RGS6: variants seen among roughly 807,000 people sequenced by gnomAD.
RGS6 encodes regulator of G protein signaling 6, also known as regulator of G-protein signaling 6.
In RGS6, 30 loss-of-function variants were observed where a neutral mutation model predicts 78.5. That is an observed-to-expected ratio of 0.38 (90% CI 0.29 to 0.52). The LOEUF is 0.52. RGS6 is among the 20% of genes least tolerant of loss of function. The probability of loss-of-function intolerance (pLI) is 0.85; values close to 1 mark genes in which losing one functional copy is unlikely to be tolerated. For missense variants in RGS6, 495 were observed against 609.7 expected (o/e 0.81, Z 1.98); for synonymous variants, 206 against 206.0 (o/e 1.00, Z 0.00).
intron 4 of RGS6, among the ~76,000 whole-genome samples, chr14:72,456,280 C>T (rs552807802): frequency 2.0e-5 from 3 of 152,102 alleles, no homozygotes; most frequent in African/African-American, 7.2e-5. Context: ...TCCCATCAGT[C>T]GATTTCCTGT....
intron 2 of RGS6, among the ~76,000 whole-genome samples, chr14:72,032,807 ATAT>A (rs1311872337): frequency 1.3e-5 from 2 of 152,172 alleles, no homozygotes; most frequent in African/African-American, 4.8e-5. Flanking sequence ...AGGCTGAATA[ATAT>A]TTTATTGCAT....
chr14:72,278,515 C>A (rs2061055802), intron 2 of RGS6, among the ~76,000 whole-genome samples: 2 of 152,150 alleles, frequency 1.3e-5, no homozygotes, highest in African/African-American at 4.8e-5. Context: ...ACAGCACATG[C>A]CAACAATATG....
chr14:72,529,648 A>ACCCCCCCCCCCCCCCCCCCC (rs200938878), intron 15 of RGS6, among the ~76,000 whole-genome samples: 1 of 150,498 alleles, frequency 6.6e-6, no homozygotes, highest in African/African-American at 2.5e-5. Flanking sequence ...GCAAGACCAG[A>ACCCCCCCCCCCCCCCCCCCC]CCCCCCCCTC....
intron 3 of RGS6, among the ~76,000 whole-genome samples, chr14:72,411,812 C>G (rs950240199): frequency 6.6e-6 from 1 of 152,148 alleles, no homozygotes; most frequent in Non-Finnish European, 1.5e-5. Flanking sequence ...TTTTCTGCAT[C>G]TATTGAGATT....
the RGS6 span, among the ~76,000 whole-genome samples, chr14:71,915,260 A>C: frequency 1.3e-5 from 2 of 152,118 alleles, no homozygotes; most frequent in South Asian, 4.2e-4. Flanking sequence ...CCTTGTCAAA[A>C]AAAAAAAAGA....
chr14:72,121,852 G>T (rs2096060920), intron 2 of RGS6, among the ~76,000 whole-genome samples: 1 of 152,066 alleles, frequency 6.6e-6, no homozygotes, highest in African/African-American at 2.4e-5. Flanking sequence ...CTGCAACGGT[G>T]CCTTATTCTA....
chr14:72,601,419 GC>G, the RGS6 span, among the ~76,000 whole-genome samples: 9,904 of 152,056 alleles, frequency 0.065, 405 homozygotes, highest in Middle Eastern at 0.14. Context: ...AGCAGAAACT[GC>G]TGCCTCTCCC....
At chr14:72,048,797 A>T (rs1445529986) in intron 2 of RGS6, among the ~76,000 whole-genome samples, 1 of 152,134 alleles carries the variant, frequency 6.6e-6, no homozygotes, top group Non-Finnish European at 1.5e-5. Flanking sequence ...TTTAAATTTC[A>T]CTAACAGTAC....
intron 2 of RGS6, among the ~76,000 whole-genome samples, chr14:72,337,270 A>G (rs2076205669): frequency 6.8e-6 from 1 of 147,336 alleles, no homozygotes; most frequent in Admixed American, 6.8e-5. Context: ...CACCTAACCA[A>G]CACCCCCTCC....
intron 2 of RGS6, among the ~76,000 whole-genome samples, chr14:72,001,031 C>T (rs555173941): frequency 6.6e-6 from 1 of 152,336 alleles, no homozygotes; most frequent in East Asian, 1.9e-4. Context: ...CCTTTAGTTT[C>T]GTTCTCTCTT....
chr14:72,147,693 G>A (rs2096624126), intron 2 of RGS6, among the ~76,000 whole-genome samples: 2 of 152,198 alleles, frequency 1.3e-5, no homozygotes, highest in South Asian at 4.1e-4. Context: ...ATGCTGTGTG[G>A]TAAGAGAAAG....
intron 2 of RGS6, among the ~76,000 whole-genome samples, chr14:72,280,929 T>C (rs2061459679): frequency 6.6e-6 from 1 of 152,176 alleles, no homozygotes; most frequent in Non-Finnish European, 1.5e-5. Flanking sequence ...TTAAATAGAA[T>C]ACATTATCTC....
intron 2 of RGS6, among the ~76,000 whole-genome samples, chr14:72,025,270 C>G (rs1025624125): frequency 6.6e-6 from 1 of 151,512 alleles, no homozygotes; most frequent in Non-Finnish European, 1.5e-5. Context: ...AATCAGCATC[C>G]AATAGTCCCC....
At chr14:72,106,575 ATT>A (rs1417650465) in intron 2 of RGS6, among the ~76,000 whole-genome samples, 1 of 151,878 alleles carries the variant, frequency 6.6e-6, no homozygotes, top group Non-Finnish European at 1.5e-5. Context: ...CTCCTTCCAA[ATT>A]ACCCACTCTC....
chr14:71,876,357 A>C, the RGS6 span, among the ~76,000 whole-genome samples: 2 of 151,620 alleles, frequency 1.3e-5, no homozygotes, highest in African/African-American at 4.8e-5. Context: ...TATTTAGGAT[A>C]GTTAGCTCTT....
At position 72,476,930 on chromosome 14, in the gene RGS6, T is replaced by A. The variant is rs2096253905; in HGVS notation, c.792+90T>A. 1.2e-5 allele frequency: 14 copies of A among 1,185,390 alleles called. No homozygotes were observed. In the South Asian group the frequency reaches 1.9e-4, roughly 16 times the overall value. 73.4% of individuals were successfully genotyped at this position (1,185,390 alleles called of 1,614,324 possible). ...GTTCAACTCTGAAGATTGAGCAAGCTTTGAGTTCCTGGAAACCACAGTGGA... is the reference window on the plus strand; with the variant it reads ...GTTCAACTCTGAAGATTGAGCAAGCATTGAGTTCCTGGAAACCACAGTGGA... On this transcript the variant is annotated intron_variant, in intron 11 of 17. Coordinates refer to ENST00000553525, the MANE Select transcript of RGS6 (RefSeq NM_001204424.2).
intron 4 of RGS6, among the ~76,000 whole-genome samples, chr14:72,455,562 C>CTGAGTGCCA (rs770635201): frequency 2.0e-4 from 30 of 152,190 alleles, no homozygotes; most frequent in Non-Finnish European, 4.0e-4. Flanking sequence ...TGTTAGAACT[C>CTGAGTGCCA]TGAGTGCCAG....
intron 2 of RGS6, among the ~76,000 whole-genome samples, chr14:72,183,767 G>GAATT (rs2097203880): frequency 6.6e-6 from 1 of 152,146 alleles, no homozygotes; most frequent in Non-Finnish European, 1.5e-5. Context: ...CTTAAATTAG[G>GAATT]TGCAAGGAAT....
the RGS6 span, among the ~76,000 whole-genome samples, chr14:72,600,980 G>T: frequency 6.0e-5 from 9 of 150,080 alleles, no homozygotes. Flanking sequence ...AGGAGGAGCA[G>T]GGAGAGGAAG....
Sources: allele counts gnomAD v4.1 joint callset (sites outside exome capture counted in the v4.1 genomes callset), GRCh38; gene constraint gnomAD v4.1.1; transcripts MANE v1.5; gene names NCBI Gene and HGNC (gene_info 2026-07-23, HGNC 2026-07-21).